The following MYO7A variants were observed in gnomAD, a reference collection of about 807,000 sequenced individuals.
MYO7A encodes myosin VIIA, also known as unconventional myosin-VIIa.
Under a neutral mutation model 263.8 loss-of-function variants are expected in MYO7A, and 210 were observed. The ratio of observed to expected loss-of-function variants is 0.80; its 90% CI spans 0.71 to 0.89. The LOEUF (loss-of-function observed/expected upper bound fraction) is 0.89. Among genes scored for constraint, MYO7A ranks in the 40% least tolerant of loss-of-function variants. The pLI, the probability that MYO7A is intolerant of heterozygous loss-of-function variation, is 0.00. For missense variants in MYO7A, 2,820 were observed against 2,968.3 expected (o/e 0.95, Z 1.16); for synonymous variants, 1,239 against 1,197.3 (o/e 1.03, Z -0.72).
At chr11:77,205,095 C>A (rs1236810603) in intron 39 of MYO7A, among the ~76,000 whole-genome samples, 1 of 152,230 alleles carries the variant, frequency 6.6e-6, no homozygotes, top group Non-Finnish European at 1.5e-5. Flanking sequence ...ATATAAATCA[C>A]ACTGCTTCCT....
chr11:77,213,096 C>A (rs1957980094), intron 47 of MYO7A, 61 bp downstream of exon 47: 3 of 1,344,376 alleles, frequency 2.2e-6, no homozygotes, highest in South Asian at 1.3e-5. Context: ...CAGACACGGT[C>A]CCAGAACGAA....
chr11:77,161,190 C>A (rs199562021), intron 12 of MYO7A, 75 bp downstream of exon 12: 6 of 1,573,442 alleles, frequency 3.8e-6, no homozygotes, highest in Non-Finnish European at 3.5e-6. Context: ...CTCTCCCTTG[C>A]GAAGCACATT....
chr11:77,196,360 C>T (rs1258862501), intron 32 of MYO7A, among the ~76,000 whole-genome samples: 1 of 115,396 alleles, frequency 8.7e-6, no homozygotes, highest in Non-Finnish European at 1.8e-5. Flanking sequence ...GAGCAAGACT[C>T]CTTCTCAAAA....
At chr11:77,207,007 T>G in intron 41 of MYO7A, 1 of 313,044 alleles carries the variant, frequency 3.2e-6, no homozygotes, top group Non-Finnish European at 5.9e-6. Context: ...CATCCTGCTG[T>G]GCTCCCTGGA....
chr11:77,182,245 G>T, intron 24 of MYO7A, 91 bp downstream of exon 24: 1 of 1,530,424 alleles, frequency 6.5e-7, no homozygotes, highest in Non-Finnish European at 8.9e-7. Flanking sequence ...GGTGATGAGG[G>T]TGGTGGGTCC....
chr11:77,142,753 C>T lies in MYO7A; in HGVS notation c.63C>T (p.Asp21=), dbSNP rs782795012. 29 of 1,611,998 alleles carry T rather than the reference C, an allele frequency of 1.8e-5. No homozygotes were observed. Among genetic ancestry groups the T allele is most frequent in the Admixed American group, 8.4e-5 (5 of 59,786 alleles). Residue 21 remains aspartate (D), a synonymous_variant, in exon 3 of 49, where the codon GAC becomes GAT. Transcript: ENST00000409709. ...ACCTGAGATTGGGGCAGGAGTTCGA[C>T]GTGCCCATCGGGGCGGTGGTGAAGC... ...WMDLRLGQEF[D]VPIGAVVKLC... is the part of the protein sequence containing the mutation.
intron 3 of MYO7A, among the ~76,000 whole-genome samples, chr11:77,146,199 G>A (rs1317096828): frequency 3.3e-5 from 5 of 152,182 alleles, no homozygotes; most frequent in Non-Finnish European, 7.4e-5. Context: ...GAGGCCTTTG[G>A]GGACATGAAA....
At chr11:77,184,939 G>T in intron 27 of MYO7A, 1 of 803,404 alleles carries the variant, frequency 1.2e-6, no homozygotes. Context: ...TGGAGATATT[G>T]CAGGTTCAGT....
intron 44 of MYO7A, chr11:77,209,067 G>A: frequency 2.2e-6 from 1 of 460,674 alleles, no homozygotes; most frequent in Non-Finnish European, 3.9e-6. Context: ...CTTCAGTGCG[G>A]GGCTATCCTC....
chr11:77,206,991 T>C (rs1375030515), intron 41 of MYO7A: 6 of 272,752 alleles, frequency 2.2e-5, no homozygotes, highest in African/African-American at 1.3e-4. Context: ...TAATCACCCT[T>C]CCAGTCATCC....
intron 46 of MYO7A, chr11:77,212,293 C>G (rs773780313): frequency 2.4e-5 from 10 of 416,832 alleles, no homozygotes; most frequent in Non-Finnish European, 2.9e-5. Flanking sequence ...CTGAGCTTTC[C>G]AGGCAGACCC....
intron 16 of MYO7A, among the ~76,000 whole-genome samples, chr11:77,173,906 T>G (rs535369420): frequency 6.6e-6 from 1 of 152,082 alleles, no homozygotes; most frequent in Non-Finnish European, 1.5e-5. Context: ...ACCAGGGCAG[T>G]CGGGCACAGT....
Position 77,172,684 on chromosome 11 carries a change from C to T in MYO7A, c.1798-64C>T, listed in dbSNP as rs908956895. 1.6e-5 allele frequency: 24 copies of T among 1,540,288 alleles called. No individual in the cohort carries two copies. In the Admixed American group the frequency reaches 2.7e-4, roughly 18 times the overall value. ...ACCTCCCCTCCCGCTTCCTACTGGGCGGCTCCTGGGACACTGGATGGGGCA... is the reference window on the plus strand; with the variant it reads ...ACCTCCCCTCCCGCTTCCTACTGGGTGGCTCCTGGGACACTGGATGGGGCA... On this transcript the variant is annotated intron_variant, in intron 15 of 48. Coordinates refer to ENST00000409709, the MANE Select transcript of MYO7A (RefSeq NM_000260.4).
rs782043663 is a variant in MYO7A at position 77,162,953 on chromosome 11, A to C, written c.1655A>C (p.Asn552Thr). ...KNNHETQFGI[N>T]HFAGIVYYET... is the part of the protein sequence containing the mutation. Reference sequence around the variant, plus strand: ...AACCATGAGACCCAGTTTGGCATCAACCATTTTGCAGGCATCGTCTACTAT... The same window carrying C: ...AACCATGAGACCCAGTTTGGCATCACCCATTTTGCAGGCATCGTCTACTAT... Residue 552 changes from asparagine to threonine, a missense_variant, in exon 14 of 49, where the codon AAC (asparagine) becomes ACC (threonine). Transcript: ENST00000409709. The C allele has an allele frequency of 2.5e-6, 4 of 1,613,722 alleles. No individual in the cohort carries two copies. The highest frequency in any genetic ancestry group is 1.1e-5 in the South Asian group (1 of 91,038).
chr11:77,213,688 A>C (rs1227689645), intron 47 of MYO7A, among the ~76,000 whole-genome samples, 172 bp from the exon 48 acceptor site: 3 of 152,182 alleles, frequency 2.0e-5, no homozygotes, highest in Non-Finnish European at 4.4e-5. Flanking sequence ...TGTCCAAACC[A>C]AGGTGTGGAG....
chr11:77,137,603 G>A (rs566173262), intron 2 of MYO7A, among the ~76,000 whole-genome samples: 18 of 152,334 alleles, frequency 1.2e-4, no homozygotes, highest in African/African-American at 4.3e-4. Flanking sequence ...ACAGCCCAGC[G>A]TGGACCGACG....
At chr11:77,128,760 C>T (rs1950680747) in intron 1 of MYO7A, among the ~76,000 whole-genome samples, 1 of 152,152 alleles carries the variant, frequency 6.6e-6, no homozygotes, top group African/African-American at 2.4e-5. Flanking sequence ...TTAGTGGCAT[C>T]CTGGGGCCAG....
At chr11:77,134,488 A>C (rs1018276507) in intron 2 of MYO7A, among the ~76,000 whole-genome samples, 4 of 152,010 alleles carry the variant, frequency 2.6e-5, no homozygotes, top group Admixed American at 6.6e-5. Flanking sequence ...ATGGAGTCTT[A>C]CTGTGTTGCC....
chr11:77,201,240 C>G (rs1957043694), intron 35 of MYO7A, among the ~76,000 whole-genome samples: 1 of 152,198 alleles, frequency 6.6e-6, no homozygotes, highest in South Asian at 2.1e-4. Context: ...GTGGGGCTTC[C>G]TCCCAAGGGC....
Sources: allele counts gnomAD v4.1 joint callset (sites outside exome capture counted in the v4.1 genomes callset), GRCh38; gene constraint gnomAD v4.1.1; transcripts MANE v1.5; gene names NCBI Gene and HGNC (gene_info 2026-07-23, HGNC 2026-07-21).